The following ZBTB46 variants were observed in gnomAD, a reference collection of about 807,000 sequenced individuals.
ZBTB46 encodes zinc finger and BTB domain containing 46.
In ZBTB46, 8 loss-of-function variants were observed where a neutral mutation model predicts 44.1. The ratio of observed to expected loss-of-function variants is 0.18; its 90% CI spans 0.11 to 0.33. The LOEUF (loss-of-function observed/expected upper bound fraction) is 0.33, where lower values mean the gene tolerates loss of function less well. ZBTB46 is among the 10% of genes least tolerant of loss of function. The pLI is 1.00. For missense variants in ZBTB46, 651 were observed against 847.7 expected (o/e 0.77, Z 2.88); for synonymous variants, 409 against 382.3 (o/e 1.07, Z -0.81).
intron 1 of ZBTB46, among the ~76,000 whole-genome samples, chr20:63,802,596 G>A (rs1222052200): frequency 6.6e-6 from 1 of 150,894 alleles, no homozygotes; most frequent in Admixed American, 6.6e-5. Flanking sequence ...GCGGCGGGCC[G>A]ACAACCGAAC....
chr20:63,789,816 C>A lies in ZBTB46; in HGVS notation c.937+5G>T. ...CTGAGCCCCCGTAACGAGTGAAAGG[C>A]TTACTTGAGTCTCGGCTGCTGAACG... On this transcript the variant is annotated splice_donor_5th_base_variant and intron_variant, in intron 2 of 4. Transcript: ENST00000245663. The A allele has an allele frequency of 6.2e-7, 1 of 1,604,474 alleles. No homozygotes were observed.
At chr20:63,786,794 G>A (rs2092519260) in intron 2 of ZBTB46, among the ~76,000 whole-genome samples, 1 of 152,158 alleles carries the variant, frequency 6.6e-6, no homozygotes, top group Non-Finnish European at 1.5e-5. Context: ...ACAGGCGTGA[G>A]CCACCCCGCC....
chr20:63,820,616 G>C (rs527817739), intron 1 of ZBTB46, among the ~76,000 whole-genome samples: 1 of 150,610 alleles, frequency 6.6e-6, no homozygotes, highest in Non-Finnish European at 1.5e-5. Flanking sequence ...ATGTTTGGTA[G>C]AGACCGGGTT....
chr20:63,792,039 G>A (rs1200491264), intron 1 of ZBTB46, among the ~76,000 whole-genome samples: 5 of 152,166 alleles, frequency 3.3e-5, no homozygotes, highest in African/African-American at 4.8e-5. Flanking sequence ...GTCTCAACAC[G>A]GCTTCTCCCG....
intron 3 of ZBTB46, chr20:63,769,353 C>T: frequency 2.0e-6 from 2 of 985,354 alleles, no homozygotes; most frequent in Non-Finnish European, 2.4e-6. Context: ...TTCTGTTCTG[C>T]CATCAGCGAC....
At chr20:63,805,026 T>G (rs2092672784) in intron 1 of ZBTB46, among the ~76,000 whole-genome samples, 1 of 150,914 alleles carries the variant, frequency 6.6e-6, no homozygotes, top group South Asian at 2.1e-4. Context: ...GTTCAATTGA[T>G]TCTCCTGCCT....
intron 1 of ZBTB46, among the ~76,000 whole-genome samples, chr20:63,816,744 G>A (rs1437136439): frequency 6.6e-6 from 1 of 152,166 alleles, no homozygotes; most frequent in Non-Finnish European, 1.5e-5. Context: ...ATATAATCAA[G>A]TTAAGATGAG....
At chr20:63,806,817 C>G (rs936971486) in intron 1 of ZBTB46, among the ~76,000 whole-genome samples, 3 of 151,726 alleles carry the variant, frequency 2.0e-5, no homozygotes, top group Non-Finnish European at 4.4e-5. Flanking sequence ...GAGTCTCGCT[C>G]TGTCGGCCAG....
chr20:63,751,605 C>T (rs2092163001), intron 4 of ZBTB46, among the ~76,000 whole-genome samples: 1 of 152,042 alleles, frequency 6.6e-6, no homozygotes, highest in Admixed American at 6.5e-5. Context: ...TGACCTCTGG[C>T]GCTCGGTTCC....
At chr20:63,828,629 C>A (rs1311206079) in intron 1 of ZBTB46, among the ~76,000 whole-genome samples, 1 of 152,206 alleles carries the variant, frequency 6.6e-6, no homozygotes, top group Non-Finnish European at 1.5e-5. Flanking sequence ...TTTACAAGAA[C>A]GGTACTTAGG....
At chr20:63,781,140 C>CAAAAAAAA (rs58102231) in intron 2 of ZBTB46, among the ~76,000 whole-genome samples, 3 of 83,924 alleles carry the variant, frequency 3.6e-5, no homozygotes, top group African/African-American at 5.4e-5. Context: ...GACTCTGCCT[C>CAAAAAAAA]AAAAAAAAAA....
chr20:63,798,859 AT>A (rs1220130510), intron 1 of ZBTB46, among the ~76,000 whole-genome samples: 158 of 150,712 alleles, frequency 1.0e-3, no homozygotes, highest in Middle Eastern at 3.4e-3. Context: ...AAAAAAAAAA[AT>A]GTAATTAACA....
intron 3 of ZBTB46, among the ~76,000 whole-genome samples, chr20:63,761,315 T>C (rs1235197918): frequency 6.6e-6 from 1 of 152,110 alleles, no homozygotes; most frequent in Non-Finnish European, 1.5e-5. Flanking sequence ...CTATTCTTTA[T>C]TTCCCTTCTG....
intron 1 of ZBTB46, among the ~76,000 whole-genome samples, chr20:63,793,578 C>T (rs1413703463): frequency 6.7e-6 from 1 of 150,080 alleles, no homozygotes; most frequent in Non-Finnish European, 1.5e-5. Context: ...GTGAATAAAA[C>T]GTCTCTTTAT....
intron 1 of ZBTB46, among the ~76,000 whole-genome samples, chr20:63,808,701 G>A (rs1022421777): frequency 6.6e-6 from 1 of 152,164 alleles, no homozygotes; most frequent in African/African-American, 2.4e-5. Flanking sequence ...ACCAGCAGGC[G>A]CGGTGGCTCA....
At chr20:63,823,231 T>C (rs1314206199) in intron 1 of ZBTB46, among the ~76,000 whole-genome samples, 1 of 151,404 alleles carries the variant, frequency 6.6e-6, no homozygotes, top group Non-Finnish European at 1.5e-5. Flanking sequence ...TGGCTCACTG[T>C]CATCCCGGTA....
chr20:63,809,850 C>T (rs553927441), intron 1 of ZBTB46, among the ~76,000 whole-genome samples: 6 of 151,864 alleles, frequency 4.0e-5, no homozygotes, highest in African/African-American at 1.2e-4. Flanking sequence ...GTAGTCCCCG[C>T]GACTCTGGAG....
In ZBTB46 at chr20:63,776,090, C is replaced by T. The variant is rs2092423602; in HGVS notation, c.938-128G>A. The T allele has an allele frequency of 5.7e-6, 7 of 1,225,142 alleles. No individual in the cohort carries two copies. The East Asian group carries it at 1.9e-4, about 34-fold the overall frequency. The allele number at this position is 1,225,142 out of a possible 1,614,324, so 75.9% of individuals were successfully genotyped here. On this transcript the variant is annotated intron_variant, in intron 2 of 4. Coordinates refer to ENST00000245663, the MANE Select transcript of ZBTB46 (RefSeq NM_001369741.1). ...GCTACAGAGCAGCATCAAGTCCAGC[C>T]CACCCTGGGAGCCGGGCACCTGCCC...
At chr20:63,750,941 G>A (rs1201317465) in intron 4 of ZBTB46, among the ~76,000 whole-genome samples, 3 of 151,914 alleles carry the variant, frequency 2.0e-5, no homozygotes, top group East Asian at 1.9e-4. Context: ...CCTATCCAAC[G>A]AGAAGGAACA....
Sources: allele counts gnomAD v4.1 joint callset (sites outside exome capture counted in the v4.1 genomes callset), GRCh38; gene constraint gnomAD v4.1.1; transcripts MANE v1.5; gene names NCBI Gene and HGNC (gene_info 2026-07-23, HGNC 2026-07-21).